Variants in KANSL1 observed in about 807,000 individuals in gnomAD.
KANSL1 encodes the protein KAT8 regulatory NSL complex subunit 1.
A neutral mutation model predicts 103.6 loss-of-function variants in KANSL1; 22 were observed. The ratio of observed to expected loss-of-function variants is 0.21; its 90% confidence interval spans 0.15 to 0.30. The LOEUF (loss-of-function observed/expected upper bound fraction) is 0.30. KANSL1 is among the 10% of genes least tolerant of loss of function. KANSL1 has a pLI of 1.00. For synonymous variants in KANSL1, 600 were observed against 527.6 expected, an observed-to-expected ratio of 1.14 and a Z score of -1.88; for missense variants, 1,337 against 1,399.8, an observed-to-expected ratio of 0.96 and a Z score of 0.72.
intron 6 of KANSL1, among the ~76,000 whole-genome samples, chr17:46,059,296 G>A (rs1299719467): frequency 2.0e-5 from 3 of 152,042 alleles, no homozygotes; most frequent in African/African-American, 7.2e-5. Context: ...GTCTCGTGAG[G>A]AGACTAGAAT....
Position 46,162,254 on chromosome 17 carries a change from G to T in KANSL1, c.1289+8601C>A, listed in dbSNP as rs776365865. Among the ~76,000 whole-genome samples, 24 of 152,312 alleles carry T rather than the reference G, an allele frequency of 1.6e-4. 1 individual carries two copies. The highest frequency in any genetic ancestry group is 1.4e-3 in the South Asian group (7 of 4,834). ...GACCTTAGGCATGAATTTCTACCCA[G>T]CTTGCAAAATAATCTAGTCCACTTT... On this transcript the variant is annotated intron_variant, in intron 2 of 14. Transcript: ENST00000432791.
At chr17:46,111,448 G>A (rs1368008862) in intron 2 of KANSL1, among the ~76,000 whole-genome samples, 1 of 152,174 alleles carries the variant, frequency 6.6e-6, no homozygotes, top group Non-Finnish European at 1.5e-5. Context: ...GACCTCAGAT[G>A]ATCCCCCTGC....
At chr17:46,187,514 G>A (rs936410171) in intron 1 of KANSL1, among the ~76,000 whole-genome samples, 1 of 152,102 alleles carries the variant, frequency 6.6e-6, no homozygotes, top group Non-Finnish European at 1.5e-5. Context: ...TGCATTTCCT[G>A]ACCCTCAAAA....
rs751767712 is a variant in KANSL1, at chr17:46,034,305, T to C, written c.2542-20A>G. On this transcript the variant is annotated intron_variant, in intron 10 of 14. Coordinates refer to ENST00000432791, the MANE Select transcript of KANSL1 (RefSeq NM_015443.4). ...CTGCTGCTGTAAGATAAAAATTAAG[T>C]TTAAAAGGAAGGTACAATTTTACAG... 4.3e-6 allele frequency: 7 copies of C among 1,612,616 alleles called. No homozygotes were observed. Among genetic ancestry groups the C allele is most frequent in the Non-Finnish European group, 5.9e-6 (7 of 1,179,378 alleles).
chr17:46,127,957 C>T (rs1298892138), intron 2 of KANSL1, among the ~76,000 whole-genome samples: 1 of 151,890 alleles, frequency 6.6e-6, no homozygotes, highest in East Asian at 1.9e-4. Context: ...ACAATAACTA[C>T]GAAGATACCC....
At chr17:46,087,983 T>C (rs1461305617) in intron 3 of KANSL1, among the ~76,000 whole-genome samples, 1 of 152,180 alleles carries the variant, frequency 6.6e-6, no homozygotes, top group African/African-American at 2.4e-5. Flanking sequence ...CTGGTGGCAA[T>C]AAACTTAGGG....
At chr17:46,041,755 A>G (rs182557777) in intron 7 of KANSL1, 15 of 152,226 alleles carry the variant, frequency 9.9e-5, no homozygotes, top group African/African-American at 3.6e-4. Flanking sequence ...TACTCCTGGC[A>G]TGTGCTTTGG....
intron 1 of KANSL1, among the ~76,000 whole-genome samples, chr17:46,177,239 G>A (rs1457402206): frequency 6.6e-6 from 1 of 152,190 alleles, no homozygotes; most frequent in Non-Finnish European, 1.5e-5. Context: ...CGTACCTGGA[G>A]CAACCACCCA....
At chr17:46,166,914 T>C (rs1431892055) in intron 2 of KANSL1, among the ~76,000 whole-genome samples, 1 of 152,096 alleles carries the variant, frequency 6.6e-6, no homozygotes, top group Non-Finnish European at 1.5e-5. Context: ...ATACAGAGAA[T>C]ATCCTCAACA....
chr17:46,064,193 C>T (rs1409640094), intron 6 of KANSL1, among the ~76,000 whole-genome samples: 2 of 151,768 alleles, frequency 1.3e-5, no homozygotes, highest in Non-Finnish European at 2.9e-5. Context: ...GAAATGGTAT[C>T]GCCTGACAGT....
At chr17:46,149,707 T>C (rs1229579057) in intron 2 of KANSL1, among the ~76,000 whole-genome samples, 1 of 152,248 alleles carries the variant, frequency 6.6e-6, no homozygotes, top group East Asian at 1.9e-4. Context: ...TGATTTCTGA[T>C]TTAAAAGTCA....
chr17:46,040,200 TAG>T (rs2077270611), intron 7 of KANSL1: 2 of 372,592 alleles, frequency 5.4e-6, no homozygotes, highest in Admixed American at 4.3e-5. Flanking sequence ...GTTTCTATTC[TAG>T]AGATTTAAAA....
Position 46,032,126 on chromosome 17 carries a change from G to A in KANSL1, c.3011C>T (p.Pro1004Leu), listed in dbSNP as rs573432386. 10 of 1,614,100 alleles carry A rather than the reference G, an allele frequency of 6.2e-6. No individual in the cohort carries two copies. The South Asian group carries it at 8.8e-5, about 14-fold the overall frequency. Residue 1004 changes from proline (P) to leucine (L), a missense_variant, in exon 14 of 15, where the codon CCT (proline) becomes CTT (leucine). Pro to Leu is a moderately conservative substitution (Grantham distance 98). Transcript: ENST00000432791. ...SPELHSAPLT[P>L]VARDTPRHLA... is the part of the protein sequence containing the mutation. ...GTGTCGCGGAGTGTCCCGAGCCACA[G>A]GGGTGAGGGGTGCTGAGTGCAGTTC...
intron 2 of KANSL1, among the ~76,000 whole-genome samples, chr17:46,099,025 C>A (rs1375405728): frequency 6.7e-6 from 1 of 148,690 alleles, no homozygotes; most frequent in African/African-American, 2.4e-5. Flanking sequence ...ATCTTTTGTT[C>A]CTTAACAAAT....
At position 46,052,963 on chromosome 17, in the gene KANSL1, C is replaced by CAAAAAAAAAAAAAA. The variant is rs2077769956; in HGVS notation, c.1849-2260_1849-2259insTTTTTTTTTTTTTT. On this transcript the variant is annotated intron_variant, in intron 6 of 14. Coordinates refer to ENST00000432791, the MANE Select transcript of KANSL1 (RefSeq NM_015443.4). The stretch of plus-strand genomic sequence containing the variant: ...TGGGAAAAAGAGTAAGATCCTGTCT[C>CAAAAAAAAAAAAAA]CAAAAAAAAAAAAAAAAAAAAAAAA... 2.1e-4 allele frequency among the ~76,000 whole-genome samples: 9 copies of CAAAAAAAAAAAAAA among 43,162 alleles called. 1 individual carries two copies. Among genetic ancestry groups the CAAAAAAAAAAAAAA allele is most frequent in the African/African-American group, 9.2e-4 (9 of 9,826 alleles). The allele number at this position is 43,162 out of a possible 152,430, so 28.3% of individuals were successfully genotyped here. A position where few individuals can be genotyped will look rare whatever the true frequency, so the allele number is the denominator to read the frequency against.
intron 2 of KANSL1, among the ~76,000 whole-genome samples, chr17:46,134,291 G>A (rs2044012091): frequency 6.6e-6 from 1 of 152,176 alleles, no homozygotes; most frequent in African/African-American, 2.4e-5. Flanking sequence ...CAGCTACTGG[G>A]GAGGCTGAGG....
chr17:46,095,507 G>A (rs1264525135), intron 2 of KANSL1, among the ~76,000 whole-genome samples: 2 of 152,100 alleles, frequency 1.3e-5, no homozygotes, highest in Non-Finnish European at 2.9e-5. Context: ...GTGCAGAAAC[G>A]ATCAAACTAC....
In KANSL1 at chr17:46,036,967, C is replaced by A. The variant is rs529877058; in HGVS notation, c.2541+1571G>T. On this transcript the variant is annotated intron_variant, in intron 10 of 14. Coordinates refer to ENST00000432791, the MANE Select transcript of KANSL1 (RefSeq NM_015443.4). ...CCTCAAGTGATCCACCCGCCTCAGC[C>A]GCCTCCCCAAGTGCTGGGATTATAG... 4.6e-5 allele frequency among the ~76,000 whole-genome samples: 7 copies of A among 152,230 alleles called. No individual in the cohort carries two copies. The East Asian group carries it at 1.4e-3, about 29-fold the overall frequency.
At chr17:46,109,108 C>A (rs1275844088) in intron 2 of KANSL1, among the ~76,000 whole-genome samples, 1 of 152,128 alleles carries the variant, frequency 6.6e-6, no homozygotes, top group African/African-American at 2.4e-5. Context: ...CACCACCACG[C>A]CCAGCTAATT....
Sources: allele counts gnomAD v4.1 joint callset (sites outside exome capture counted in the v4.1 genomes callset), GRCh38; gene constraint gnomAD v4.1.1; transcripts MANE v1.5; gene names NCBI Gene and HGNC (gene_info 2026-07-23, HGNC 2026-07-21).